ERCC5: variants seen among roughly 807,000 people sequenced by gnomAD.
ERCC5 encodes DNA excision repair protein ERCC-5.
Under a neutral mutation model 105.6 loss-of-function variants are expected in ERCC5, and 68 were observed. The ratio of observed to expected loss-of-function variants is 0.64; its 90% CI spans 0.53 to 0.79. ERCC5 has a LOEUF of 0.79. ERCC5 is among the 30% of genes least tolerant of loss of function. The pLI, the probability that ERCC5 is intolerant of heterozygous loss-of-function variation, is 0.00. For synonymous variants in ERCC5, 546 were observed against 526.2 expected, an observed-to-expected ratio of 1.04 and a Z score of -0.51; for missense variants, 1,373 against 1,426.7, an observed-to-expected ratio of 0.96 and a Z score of 0.61.
chr13:102,846,377 AC>A (rs779732910), intron 1 of ERCC5, 23 bp downstream of exon 1: 2 of 1,605,844 alleles, frequency 1.2e-6, no homozygotes, highest in South Asian at 2.2e-5. Context: ...CCGCGTTGGG[AC>A]TTGGGGTGCA....
At position 102,872,351 on chromosome 13, in the gene ERCC5, G is replaced by A. The variant is rs1883063500; in HGVS notation, c.2832G>A (p.Ser944=). Residue 944 remains serine, a synonymous_variant, in exon 13 of 15, where the codon TCG becomes TCA. Transcript: ENST00000652225. ...EAYLKPVVDD[S]KGSFLWGKPD... Reference sequence around the variant, plus strand: ...ACCTCAAACCCGTGGTGGATGACTCGAAGGGATCCTTTCTGTGGGGGAAAC... The same window carrying A: ...ACCTCAAACCCGTGGTGGATGACTCAAAGGGATCCTTTCTGTGGGGGAAAC... 3.7e-6 allele frequency: 6 copies of A among 1,614,180 alleles called. No individual in the cohort carries two copies. The highest frequency in any genetic ancestry group is 3.3e-5 in the Admixed American group (2 of 60,028).
intron 3 of ERCC5, 80 bp downstream of exon 3, chr13:102,853,952 C>T: frequency 7.3e-7 from 1 of 1,371,518 alleles, no homozygotes; most frequent in Non-Finnish European, 1.0e-6. Flanking sequence ...GATTCTCTTT[C>T]CCTATCTAAT....
chr13:102,853,242 A>G (rs1266100942), intron 2 of ERCC5, among the ~76,000 whole-genome samples: 1 of 152,218 alleles, frequency 6.6e-6, no homozygotes, highest in Non-Finnish European at 1.5e-5. Flanking sequence ...TTTTTATCCG[A>G]TATTCAGCCA....
chr13:102,868,377 A>G (rs1323178229), intron 12 of ERCC5, 120 bp downstream of exon 12: 2 of 1,344,368 alleles, frequency 1.5e-6, no homozygotes, highest in Non-Finnish European at 2.1e-6. Context: ...TCACTGAGAA[A>G]GCAGCAGAAA....
rs1268494110 is a variant in ERCC5 at position 102,875,438 on chromosome 13, C to T, written c.3096C>T (p.Ser1032=). ...GGAAAGAGAAAGAAGCAGCAGCCAG[C>T]GAAATAGAAGCAGTTTCTGTTGCCA... ...MLRKEKEAAA[S]EIEAVSVAME... Residue 1032 remains serine, a synonymous_variant, in exon 15 of 15, where the codon AGC becomes AGT. Transcript: ENST00000652225. The T allele has an allele frequency of 1.4e-5, 23 of 1,613,888 alleles. No homozygotes were observed. The Middle Eastern group carries it at 4.9e-4, about 35-fold the overall frequency.
chr13:102,857,251 A>C (rs560565098), intron 5 of ERCC5, among the ~76,000 whole-genome samples: 2 of 152,358 alleles, frequency 1.3e-5, no homozygotes, highest in South Asian at 4.1e-4. Context: ...TAGTGAGAGC[A>C]ATCTTAGTTA....
At position 102,856,414 on chromosome 13, in the gene ERCC5, ACATAT is replaced by A. The variant is rs1882423084; in HGVS notation, c.528+306_528+310del. 2.0e-5 allele frequency among the ~76,000 whole-genome samples: 3 copies of A among 152,342 alleles called. No individual in the cohort carries two copies. The South Asian group carries it at 6.2e-4, about 32-fold the overall frequency. On this transcript the variant is annotated intron_variant, in intron 5 of 14. Transcript: ENST00000652225. The stretch of plus-strand genomic sequence containing the variant: ...TGTGCTTACATAGAAAATATAGAAA[ACATAT>A]CATTCATAAATAACTTGTAATAACA...
intron 5 of ERCC5, among the ~76,000 whole-genome samples, chr13:102,856,757 C>T (rs1882436684): frequency 6.6e-6 from 1 of 152,226 alleles, no homozygotes; most frequent in Non-Finnish European, 1.5e-5. Context: ...GTGGTTGATG[C>T]TGGCTGTCAG....
At chr13:102,849,954 T>C (rs1002711617) in intron 1 of ERCC5, among the ~76,000 whole-genome samples, 1 of 152,164 alleles carries the variant, frequency 6.6e-6, no homozygotes, top group Admixed American at 6.5e-5. Flanking sequence ...CTTTTTGTTT[T>C]TTTTTGAGAC....
At chr13:102,869,970 C>T (rs1209807157) in intron 12 of ERCC5, among the ~76,000 whole-genome samples, 1 of 152,232 alleles carries the variant, frequency 6.6e-6, no homozygotes, top group Non-Finnish European at 1.5e-5. Context: ...CTTTGGTCCT[C>T]CAGCTCGTTG....
intron 2 of ERCC5, among the ~76,000 whole-genome samples, chr13:102,852,531 T>C (rs1882246499): frequency 6.6e-6 from 1 of 152,234 alleles, no homozygotes; most frequent in South Asian, 2.1e-4. Context: ...AACTAACTAC[T>C]AAAAACCTTG....
At position 102,875,538 on chromosome 13, in the gene ERCC5, G is replaced by C; in HGVS notation, c.3196G>C (p.Glu1066Gln). 6.2e-7 allele frequency: 1 copy of C among 1,613,736 alleles called. No homozygotes were observed. The highest frequency in any genetic ancestry group is 1.1e-5 in the South Asian group (1 of 90,940). ...QKRGITNTLE[E>Q]SSSLKRKRLS... ...GAGAGGCATAACAAATACCTTAGAA[G>C]AGTCATCAAGCCTGAAAAGAAAGAG... The change falls in exon 15 of 15, where the codon GAG (glutamate) becomes CAG (glutamine). Residue 1066 changes from glutamate (E) to glutamine (Q), a missense_variant. Around this residue, in one of 3 missense-constraint regions of ERCC5, gnomAD observed 367 missense variants for 350.2 expected, o/e 1.05. Coordinates refer to ENST00000652225, the MANE Select transcript of ERCC5 (RefSeq NM_000123.4).
chr13:102,853,754 T>C lies in ERCC5; in HGVS notation c.265-3T>C. ...TGAGATCTTACATCCTTTCTTCTCATAGGTGAAGAGAAGGCAGAGAAAGGA... is the reference window on the plus strand; with the variant it reads ...TGAGATCTTACATCCTTTCTTCTCACAGGTGAAGAGAAGGCAGAGAAAGGA... On this transcript the variant is annotated splice_region_variant and splice_polypyrimidine_tract_variant and intron_variant, in intron 2 of 14. Coordinates refer to ENST00000652225, the MANE Select transcript of ERCC5 (RefSeq NM_000123.4). 5 of 1,613,398 alleles carry C rather than the reference T, an allele frequency of 3.1e-6. No individual in the cohort carries two copies. Among genetic ancestry groups the C allele is most frequent in the Non-Finnish European group, 3.4e-6 (4 of 1,179,348 alleles).
intron 6 of ERCC5, among the ~76,000 whole-genome samples, chr13:102,859,363 CCT>C (rs1309974074): frequency 6.6e-6 from 1 of 152,102 alleles, no homozygotes; most frequent in Non-Finnish European, 1.5e-5. Context: ...CTCATCACTC[CCT>C]GTTTTTTCCA....
In ERCC5 at chr13:102,856,114, T is replaced by C. The variant is rs1352553146; in HGVS notation, c.528+2T>C. ...ATGAATCAAAAACAAGCATTACAGG[T>C]ATTTAGATCATTTTTGAATTCAGAA... On this transcript the variant is annotated splice_donor_variant, in intron 5 of 14. Coordinates refer to ENST00000652225, the MANE Select transcript of ERCC5 (RefSeq NM_000123.4). LOFTEE classifies it high-confidence loss of function. 6.2e-7 allele frequency: 1 copy of C among 1,612,552 alleles called. No homozygotes were observed. Among genetic ancestry groups the C allele is most frequent in the Admixed American group, 1.7e-5 (1 of 60,018 alleles).
At chr13:102,864,060 G>A (rs954270237) in intron 8 of ERCC5, among the ~76,000 whole-genome samples, 19 of 149,688 alleles carry the variant, frequency 1.3e-4, no homozygotes, top group African/African-American at 4.7e-4. Flanking sequence ...GCAATGACTC[G>A]GTATTGGCTA....
At chr13:102,854,514 G>T (rs1046847630) in intron 4 of ERCC5, 140 bp downstream of exon 4, 17 of 828,036 alleles carry the variant, frequency 2.1e-5, no homozygotes, top group Non-Finnish European at 3.0e-5. Context: ...ATACCTTTCA[G>T]AATATTTTTC....
chr13:102,874,834 T>C (rs1171559136), intron 14 of ERCC5: 1 of 160,140 alleles, frequency 6.2e-6, no homozygotes, highest in Admixed American at 6.1e-5. Flanking sequence ...AATATCTTCT[T>C]AAAAGTGAAT....
In ERCC5 at chr13:102,862,767, G is replaced by A; in HGVS notation, c.1618G>A (p.Ala540Thr). Residue 540 changes from alanine to threonine, a missense_variant, in exon 8 of 15, where the codon GCT (alanine) becomes ACT (threonine). Physicochemically the swap from Ala to Thr is moderately conservative, Grantham distance 58. Transcript: ENST00000652225. The stretch of plus-strand genomic sequence containing the variant: ...TTCTGTGTCAAAGAATGAAACACAT[G>A]CTGAAGTGCTTGAGCAGCAGAACGA... ...TNSVSKNETH[A>T]EVLEQQNELC... 1 of 1,614,230 alleles carries A rather than the reference G, an allele frequency of 6.2e-7. No homozygotes were observed. Among genetic ancestry groups the A allele is most frequent in the Non-Finnish European group, 8.5e-7 (1 of 1,180,030 alleles).
Sources: allele counts gnomAD v4.1 joint callset (sites outside exome capture counted in the v4.1 genomes callset), GRCh38; gene constraint gnomAD v4.1.1; regional missense constraint gnomAD v4.1.1; transcripts MANE v1.5; gene names NCBI Gene and HGNC (gene_info 2026-07-23, HGNC 2026-07-21).